Variants in MAGI2 observed in about 807,000 individuals in gnomAD.
MAGI2 encodes membrane-associated guanylate kinase, WW and PDZ domain-containing protein 2.
Under a neutral mutation model 133.3 loss-of-function variants are expected in MAGI2, and 35 were observed. The ratio of observed to expected loss-of-function variants is 0.26; its 90% CI spans 0.20 to 0.35. The LOEUF (loss-of-function observed/expected upper bound fraction) is 0.35. Among genes scored for constraint, MAGI2 ranks in the 10% least tolerant of loss-of-function variants. MAGI2 has a pLI of 1.00. For synonymous variants in MAGI2, 729 were observed against 710.6 expected, an observed-to-expected ratio of 1.03 and a Z score of -0.41; for missense variants, 1,636 against 1,863.4, an observed-to-expected ratio of 0.88 and a Z score of 2.25.
intron 1 of MAGI2, among the ~76,000 whole-genome samples, chr7:79,116,142 C>T (rs1160563694): frequency 6.6e-6 from 1 of 152,130 alleles, no homozygotes; most frequent in Non-Finnish European, 1.5e-5. Context: ...AAGGGACACT[C>T]ATCTTTTCCG....
chr7:78,909,837 T>C (rs1420966502), intron 2 of MAGI2, among the ~76,000 whole-genome samples: 1 of 152,120 alleles, frequency 6.6e-6, no homozygotes, highest in African/African-American at 2.4e-5. Flanking sequence ...CATGCACACG[T>C]ATGTTTATTG....
intron 9 of MAGI2, among the ~76,000 whole-genome samples, chr7:78,299,943 A>C (rs186423032): frequency 8.0e-4 from 122 of 152,336 alleles, no homozygotes; most frequent in African/African-American, 2.8e-3. Context: ...TCACAAAACG[A>C]GTAAAATTTT....
chr7:79,297,810 CA>C (rs1340515777), intron 1 of MAGI2, among the ~76,000 whole-genome samples: 1 of 152,122 alleles, frequency 6.6e-6, no homozygotes, highest in Non-Finnish European at 1.5e-5. Context: ...AATGGCTGGG[CA>C]AATGAGTGGA....
intron 1 of MAGI2, among the ~76,000 whole-genome samples, chr7:79,144,429 C>G (rs1822422919): frequency 6.6e-6 from 1 of 152,178 alleles, no homozygotes; most frequent in African/African-American, 2.4e-5. Flanking sequence ...GCACCTCCCC[C>G]TTCTGTCTTA....
chr7:78,435,795 T>C (rs904601834), intron 6 of MAGI2, among the ~76,000 whole-genome samples: 2 of 152,148 alleles, frequency 1.3e-5, no homozygotes, highest in African/African-American at 4.8e-5. Flanking sequence ...AAACAAACAG[T>C]TCCTTGCTAA....
chr7:78,110,868 C>T (rs780024384), intron 20 of MAGI2, among the ~76,000 whole-genome samples: 30 of 152,186 alleles, frequency 2.0e-4, no homozygotes, highest in Non-Finnish European at 3.8e-4. Flanking sequence ...AAAGAAGAAA[C>T]GTGAATGGCC....
At chr7:78,778,362 T>C (rs951657353) in intron 2 of MAGI2, among the ~76,000 whole-genome samples, 2 of 152,226 alleles carry the variant, frequency 1.3e-5, no homozygotes, top group Admixed American at 1.3e-4. Context: ...CTTCCTGCTT[T>C]TGATTCTCAC....
chr7:78,997,622 A>G (rs942462720), intron 2 of MAGI2, among the ~76,000 whole-genome samples: 1 of 151,368 alleles, frequency 6.6e-6, no homozygotes, highest in East Asian at 1.9e-4. Context: ...AAAAAAAAAA[A>G]GGCAGGATCC....
At chr7:78,846,675 A>G (rs1046227495) in intron 2 of MAGI2, among the ~76,000 whole-genome samples, 1 of 151,996 alleles carries the variant, frequency 6.6e-6, no homozygotes, top group African/African-American at 2.4e-5. Context: ...TTAAACTGCC[A>G]TGTGGAACTG....
chr7:78,687,645 T>G (rs1166624814), intron 2 of MAGI2, among the ~76,000 whole-genome samples: 1 of 151,892 alleles, frequency 6.6e-6, no homozygotes, highest in Non-Finnish European at 1.5e-5. Flanking sequence ...TCTGGATAAC[T>G]GAAGGAAAAA....
chr7:79,136,113 GAAAGAAA>G (rs1562929504), intron 1 of MAGI2, among the ~76,000 whole-genome samples: 34 of 150,058 alleles, frequency 2.3e-4, no homozygotes, highest in African/African-American at 7.9e-4. Flanking sequence ...AAGAAAGAAA[GAAAGAAA>G]GAAAGAAAGA....
At chr7:79,364,041 A>G (rs1021021767) in intron 1 of MAGI2, among the ~76,000 whole-genome samples, 1 of 152,032 alleles carries the variant, frequency 6.6e-6, no homozygotes, top group Non-Finnish European at 1.5e-5. Context: ...CCATCATGAG[A>G]TATCACCTCA....
At chr7:79,093,370 TG>T (rs1817232392) in intron 1 of MAGI2, among the ~76,000 whole-genome samples, 1 of 152,110 alleles carries the variant, frequency 6.6e-6, no homozygotes, top group Non-Finnish European at 1.5e-5. Flanking sequence ...AGAGATATTG[TG>T]GGTTCAGATC....
At chr7:79,356,991 A>G (rs1434410783) in intron 1 of MAGI2, among the ~76,000 whole-genome samples, 1 of 152,210 alleles carries the variant, frequency 6.6e-6, no homozygotes, top group African/African-American at 2.4e-5. Context: ...TTAAATCTGC[A>G]ACTCTGTCTA....
intron 7 of MAGI2, among the ~76,000 whole-genome samples, chr7:78,346,868 A>G (rs1486490687): frequency 6.6e-6 from 1 of 152,198 alleles, no homozygotes; most frequent in African/African-American, 2.4e-5. Flanking sequence ...ACATTGATAC[A>G]TAGAATTATG....
chr7:78,485,338 G>C (rs764394143), intron 6 of MAGI2: 4 of 151,972 alleles, frequency 2.6e-5, no homozygotes, highest in African/African-American at 7.2e-5. Flanking sequence ...AACTCCAAAA[G>C]TGTACAGAGC....
intron 2 of MAGI2, among the ~76,000 whole-genome samples, chr7:78,758,967 T>C (rs2151294874): frequency 6.6e-6 from 1 of 152,302 alleles, no homozygotes; most frequent in Non-Finnish European, 1.5e-5. Flanking sequence ...AATTATGAGC[T>C]TCTTATGGGC....
intron 1 of MAGI2, among the ~76,000 whole-genome samples, chr7:79,032,594 T>G (rs980004119): frequency 1.1e-4 from 16 of 152,042 alleles, no homozygotes; most frequent in African/African-American, 3.1e-4. Flanking sequence ...TTTAGATTTA[T>G]TTTTTAACCA....
At chr7:79,026,341 G>A (rs1429924717) in intron 1 of MAGI2, among the ~76,000 whole-genome samples, 1 of 152,116 alleles carries the variant, frequency 6.6e-6, no homozygotes, top group Non-Finnish European at 1.5e-5. Flanking sequence ...TACTTGCAAG[G>A]AAAGCCTATT....
Sources: gnomAD v4.1 joint callset for allele counts (sites outside exome capture counted in the v4.1 genomes callset) on GRCh38, gnomAD v4.1.1 for gene constraint, MANE v1.5 for transcripts, NCBI Gene and HGNC (gene_info 2026-07-23, HGNC 2026-07-21) for gene names.